The following EIF3J variants were observed in gnomAD, a reference collection of about 807,000 sequenced individuals.
The protein encoded by EIF3J is eukaryotic translation initiation factor 3, subunit 1 (alpha, 35kD).
In EIF3J, 15 loss-of-function variants were observed where a neutral mutation model predicts 39.0. The ratio of observed to expected loss-of-function variants is 0.38; its 90% CI spans 0.26 to 0.59. EIF3J has a LOEUF of 0.59. Ranked by LOEUF, EIF3J falls within the 20% of genes least tolerant of loss-of-function variation. The pLI, the probability that EIF3J is intolerant of heterozygous loss-of-function variation, is 0.60. For synonymous variants in EIF3J, 98 were observed against 112.9 expected (o/e 0.87, Z 0.84); for missense variants, 226 against 308.6 (o/e 0.73, Z 2.00).
chr15:44,537,450 G>A (rs1252009315), intron 2 of EIF3J, 23 bp downstream of exon 2: 3 of 1,512,720 alleles, frequency 2.0e-6, no homozygotes, highest in Non-Finnish European at 2.6e-6. Context: ...TAGGGCGCCG[G>A]GCAGCGCGGA....
chr15:44,549,764 C>CA (rs774290941), intron 2 of EIF3J, among the ~76,000 whole-genome samples: 1,626 of 11,232 alleles, frequency 0.14, 289 homozygotes, highest in African/African-American at 0.22. Context: ...GACTCCGTCT[C>CA]AAAAAAAAAA....
intron 3 of EIF3J, 110 bp from the exon 4 acceptor site, chr15:44,551,321 T>G: frequency 1.8e-5 from 13 of 718,188 alleles, no homozygotes; most frequent in Non-Finnish European, 2.9e-5. Flanking sequence ...AATCACTGTT[T>G]GAAGCTGGGA....
intron 2 of EIF3J, among the ~76,000 whole-genome samples, chr15:44,546,816 C>CTTTTTTTTTT (rs1160471321): frequency 2.5e-5 from 2 of 78,904 alleles, no homozygotes; most frequent in East Asian, 4.8e-4. Flanking sequence ...GAGTATAGAT[C>CTTTTTTTTTT]TTTTTTTTTT....
At chr15:44,560,935 GTGTT>G (rs142480836) in intron 7 of EIF3J, 79 bp from the exon 8 acceptor site, 59,113 of 1,535,866 alleles carry the variant, frequency 0.038, 2,403 homozygotes, top group African/African-American at 0.2. Flanking sequence ...AGGTTTTTGT[GTGTT>G]TGTTTATGAG....
intron 7 of EIF3J, 85 bp from the exon 8 acceptor site, chr15:44,560,931 TTG>T (rs2082188032): frequency 6.6e-6 from 10 of 1,526,668 alleles, no homozygotes; most frequent in South Asian, 1.2e-5. Context: ...CCAAAGGTTT[TTG>T]TGTGTTTGTT....
At chr15:44,552,759 C>T (rs1330030587) in intron 4 of EIF3J, among the ~76,000 whole-genome samples, 3 of 152,130 alleles carry the variant, frequency 2.0e-5, no homozygotes, top group East Asian at 1.9e-4. Context: ...GGCATTTCAC[C>T]GTGTTGGCCA....
At chr15:44,547,380 T>C (rs1289554658) in intron 2 of EIF3J, among the ~76,000 whole-genome samples, 2 of 151,436 alleles carry the variant, frequency 1.3e-5, no homozygotes, top group African/African-American at 4.9e-5. Flanking sequence ...CGACCTCAGG[T>C]GATCTGCCTG....
Position 44,551,447 on chromosome 15 carries a change from AAAG to A in EIF3J, c.222_224del (p.Lys76del). Reference sequence around the variant, plus strand: ...TACTTTTAGAGGTAAAAATTTCAGAAAAGAAAAAAATAGCAGAGAAGATAAAAG... The same window carrying A: ...TACTTTTAGAGGTAAAAATTTCAGAAAAAAAAATAGCAGAGAAGATAAAAG... On this transcript the variant is annotated inframe_deletion, in exon 4 of 8. Transcript: ENST00000261868. 2 of 1,581,362 alleles carry A rather than the reference AAAG, an allele frequency of 1.3e-6. No individual in the cohort carries two copies. Among genetic ancestry groups the A allele is most frequent in the Non-Finnish European group, 1.7e-6 (2 of 1,169,606 alleles).
At chr15:44,539,306 G>A (rs933310537) in intron 2 of EIF3J, among the ~76,000 whole-genome samples, 5 of 152,120 alleles carry the variant, frequency 3.3e-5, no homozygotes, top group South Asian at 2.1e-4. Context: ...AATTATAGGC[G>A]TGAGCTACCG....
intron 2 of EIF3J, among the ~76,000 whole-genome samples, chr15:44,538,166 G>GT (rs548421755): frequency 2.6e-4 from 40 of 152,068 alleles, no homozygotes; most frequent in African/African-American, 8.4e-4. Flanking sequence ...CGGGCCCGTG[G>GT]TTTTTTGTTG....
chr15:44,550,380 C>T (rs2082089149), intron 2 of EIF3J, among the ~76,000 whole-genome samples: 2 of 152,106 alleles, frequency 1.3e-5, no homozygotes, highest in African/African-American at 4.8e-5. Context: ...CAGCCTTAAC[C>T]TCCTGGGCTC....
At chr15:44,550,564 A>G (rs1052419236) in intron 2 of EIF3J, 1 of 180,100 alleles carries the variant, frequency 5.6e-6, no homozygotes, top group African/African-American at 2.4e-5. Context: ...CCTATTTATA[A>G]TAGCAACATA....
chr15:44,555,420 C>A (rs549404613), intron 5 of EIF3J, among the ~76,000 whole-genome samples: 1 of 152,194 alleles, frequency 6.6e-6, no homozygotes, highest in Non-Finnish European at 1.5e-5. Flanking sequence ...CATACTTTCT[C>A]TACTCTGAAA....
intron 2 of EIF3J, among the ~76,000 whole-genome samples, chr15:44,550,311 G>A (rs1052365383): frequency 6.6e-6 from 1 of 152,082 alleles, no homozygotes; most frequent in South Asian, 2.1e-4. Flanking sequence ...TTTGAGACAG[G>A]GTTTTTATGA....
At chr15:44,555,420 C>G (rs549404613) in intron 5 of EIF3J, among the ~76,000 whole-genome samples, 4 of 152,312 alleles carry the variant, frequency 2.6e-5, no homozygotes, top group African/African-American at 7.2e-5. Context: ...CATACTTTCT[C>G]TACTCTGAAA....
chr15:44,557,156 T>C (rs2082151346), intron 5 of EIF3J, among the ~76,000 whole-genome samples: 1 of 152,168 alleles, frequency 6.6e-6, no homozygotes, highest in Non-Finnish European at 1.5e-5. Context: ...ACAATATTAA[T>C]ATTGTAAGAT....
intron 2 of EIF3J, among the ~76,000 whole-genome samples, chr15:44,546,962 C>T (rs1027750569): frequency 1.0e-4 from 15 of 150,190 alleles, no homozygotes; most frequent in African/African-American, 2.7e-4. Flanking sequence ...GCTAGGATTA[C>T]GGGCGTGCAC....
At chr15:44,545,120 G>A (rs1873200647) in intron 2 of EIF3J, among the ~76,000 whole-genome samples, 1 of 152,134 alleles carries the variant, frequency 6.6e-6, no homozygotes, top group South Asian at 2.1e-4. Flanking sequence ...TTCTCTTTAT[G>A]AGATTCCCAG....
At chr15:44,557,719 G>T in intron 6 of EIF3J, 69 bp downstream of exon 6, 1 of 1,225,482 alleles carries the variant, frequency 8.2e-7, no homozygotes, top group Non-Finnish European at 1.1e-6. Context: ...GGAGGTTGAA[G>T]GTTATTTTTT....
Sources: allele counts gnomAD v4.1 joint callset (sites outside exome capture counted in the v4.1 genomes callset), GRCh38; gene constraint gnomAD v4.1.1; transcripts MANE v1.5; gene names NCBI Gene and HGNC (gene_info 2026-07-23, HGNC 2026-07-21).